Variants in AKAP7 observed in about 807,000 individuals in gnomAD.
AKAP7 encodes the protein A-kinase anchoring protein 7, also known as A kinase (PRKA) anchor protein 7.
In AKAP7, 39 loss-of-function variants were observed where a neutral mutation model predicts 39.5. The ratio of observed to expected loss-of-function variants is 0.99; its 90% CI spans 0.76 to 1.29. AKAP7 has a LOEUF of 1.29. Ranked by LOEUF, AKAP7 falls within the 50% of genes most tolerant of loss-of-function variation. The probability of loss-of-function intolerance (pLI) is 0.00; values close to 1 mark genes in which losing one functional copy is unlikely to be tolerated. For synonymous variants in AKAP7, 140 were observed against 139.1 expected, an observed-to-expected ratio of 1.01 and a Z score of -0.05; for missense variants, 414 against 407.7, an observed-to-expected ratio of 1.02 and a Z score of -0.13.
At chr6:131,264,678 G>A (rs1813634518) in intron 7 of AKAP7, among the ~76,000 whole-genome samples, 1 of 152,130 alleles carries the variant, frequency 6.6e-6, no homozygotes, top group South Asian at 2.1e-4. Flanking sequence ...TTTTTGTGTT[G>A]CCATCAAGGA....
intron 2 of AKAP7, among the ~76,000 whole-genome samples, chr6:131,153,599 G>C (rs967652856): frequency 1.4e-4 from 21 of 152,092 alleles, no homozygotes; most frequent in African/African-American, 4.8e-4. Flanking sequence ...CTACAGATGG[G>C]AAGACAGTTT....
chr6:131,191,235 A>G (rs952648461), intron 5 of AKAP7, among the ~76,000 whole-genome samples: 1 of 152,226 alleles, frequency 6.6e-6, no homozygotes, highest in African/African-American at 2.4e-5. Flanking sequence ...TTTGACCCAT[A>G]AAAGTGACAG....
At chr6:131,274,994 T>G (rs1472575296) in intron 7 of AKAP7, among the ~76,000 whole-genome samples, 1 of 152,202 alleles carries the variant, frequency 6.6e-6, no homozygotes, top group African/African-American at 2.4e-5. Context: ...TTACAGCACT[T>G]AATCTATTGT....
chr6:131,281,906 G>A lies in AKAP7; in HGVS notation c.*180G>A. On this transcript the variant is annotated 3_prime_UTR_variant, in exon 8 of 8. Coordinates refer to ENST00000431975, the MANE Select transcript of AKAP7 (RefSeq NM_016377.4). The surrounding 1 kb of genome is among the most constrained non-coding windows in gnomAD (Gnocchi z 4.0). ...TGCTGAAACACAACAGAAGAAAAAT[G>A]GAGTGCTGGGACTGGCAGAGGAAAT... is the stretch of plus-strand genomic sequence containing the variant. 1 of 1,255,226 alleles carries A rather than the reference G, an allele frequency of 8.0e-7. No homozygotes were observed. The highest frequency in any genetic ancestry group is 1.0e-6 in the Non-Finnish European group (1 of 997,728). The allele number at this position is 1,255,226 out of a possible 1,614,324, so 77.8% of individuals were successfully genotyped here.
At chr6:131,206,082 G>A (rs1808071315) in intron 6 of AKAP7, among the ~76,000 whole-genome samples, 1 of 152,178 alleles carries the variant, frequency 6.6e-6, no homozygotes. Context: ...GGCAGAAGAA[G>A]ACAAGTTTCA....
At chr6:131,191,467 T>C (rs1806397310) in intron 5 of AKAP7, among the ~76,000 whole-genome samples, 1 of 150,438 alleles carries the variant, frequency 6.6e-6, no homozygotes, top group Non-Finnish European at 1.5e-5. Flanking sequence ...CTTGTCTTTC[T>C]TTTTTTTTGG....
At chr6:131,190,229 T>G (rs918313473) in intron 5 of AKAP7, among the ~76,000 whole-genome samples, 6 of 152,152 alleles carry the variant, frequency 3.9e-5, no homozygotes, top group African/African-American at 1.4e-4. Flanking sequence ...AATCAAAAGT[T>G]CTTTGTGACA....
At chr6:131,171,208 G>A (rs1438435531) in intron 5 of AKAP7, among the ~76,000 whole-genome samples, 2 of 152,062 alleles carry the variant, frequency 1.3e-5, no homozygotes, top group Non-Finnish European at 2.9e-5. Flanking sequence ...ATATAGCCTT[G>A]TGCAGAAACA....
intron 7 of AKAP7, among the ~76,000 whole-genome samples, chr6:131,263,061 T>A (rs1030680730): frequency 6.6e-6 from 1 of 152,164 alleles, no homozygotes; most frequent in Non-Finnish European, 1.5e-5. Flanking sequence ...TGGGAACTAG[T>A]CAGCAGAAAC....
chr6:131,174,152 C>G (rs529084158), intron 5 of AKAP7, among the ~76,000 whole-genome samples: 2 of 152,308 alleles, frequency 1.3e-5, no homozygotes, highest in Admixed American at 1.3e-4. Context: ...CTTTTCCCCT[C>G]ATACAATCAC....
rs556158440 is a variant in AKAP7 at position 131,283,083 on chromosome 6, T to C, written c.*1357T>C. On this transcript the variant is annotated 3_prime_UTR_variant, in exon 8 of 8. Coordinates refer to ENST00000431975, the MANE Select transcript of AKAP7 (RefSeq NM_016377.4). ...TTGAACAATAGTACTTGAATGAACA[T>C]TTATAAATGTAATTATTGCGATCAC... 2.0e-5 allele frequency: 3 copies of C among 153,020 alleles called. No homozygotes were observed. The South Asian group carries it at 6.2e-4, about 32-fold the overall frequency. The allele number at this position is 153,020 out of a possible 1,614,324, so 9.5% of individuals were successfully genotyped here.
At chr6:131,196,166 C>T (rs1195350872) in intron 5 of AKAP7, among the ~76,000 whole-genome samples, 4 of 151,728 alleles carry the variant, frequency 2.6e-5, no homozygotes, top group Admixed American at 1.3e-4. Flanking sequence ...CCTCTGACTG[C>T]GTATTTTCAA....
chr6:131,281,524 A>G lies in AKAP7; in HGVS notation c.851-6A>G. 6.3e-7 allele frequency: 1 copy of G among 1,599,946 alleles called. No homozygotes were observed. Among genetic ancestry groups the G allele is most frequent in the Non-Finnish European group, 8.5e-7 (1 of 1,173,172 alleles). ...AGTGACCTCTCTTCTCTATTGTGGA[A>G]TGTAGGTGAAAAGAACGGAGGGGAG... On this transcript the variant is annotated splice_region_variant and splice_polypyrimidine_tract_variant and intron_variant, in intron 7 of 7. Coordinates refer to ENST00000431975, the MANE Select transcript of AKAP7 (RefSeq NM_016377.4). This position sits in a 1 kb window ranked among gnomAD's most constrained non-coding sequence, Gnocchi z 4.0.
At chr6:131,258,304 A>G (rs1392083985) in intron 7 of AKAP7, among the ~76,000 whole-genome samples, 2 of 152,200 alleles carry the variant, frequency 1.3e-5, no homozygotes, top group East Asian at 3.9e-4. Flanking sequence ...GTAAAAAGAA[A>G]TCTGTGAGAC....
At chr6:131,209,601 T>C (rs1808463861) in intron 6 of AKAP7, among the ~76,000 whole-genome samples, 1 of 152,170 alleles carries the variant, frequency 6.6e-6, no homozygotes, top group Admixed American at 6.6e-5. Context: ...TTAGAACTTA[T>C]ATTAAAAGAT....
At chr6:131,271,299 C>T (rs1208120625) in intron 7 of AKAP7, among the ~76,000 whole-genome samples, 1 of 152,090 alleles carries the variant, frequency 6.6e-6, no homozygotes. Context: ...TAGTACCATT[C>T]CTTGCAAAGA....
intron 7 of AKAP7, among the ~76,000 whole-genome samples, chr6:131,229,042 A>C (rs533856698): frequency 6.6e-6 from 1 of 152,244 alleles, no homozygotes; most frequent in East Asian, 1.9e-4. Flanking sequence ...AGGTCGACCC[A>C]AAGAAATGTG....
At chr6:131,239,929 G>T (rs1811390267) in intron 7 of AKAP7, among the ~76,000 whole-genome samples, 1 of 152,208 alleles carries the variant, frequency 6.6e-6, no homozygotes, top group African/African-American at 2.4e-5. Context: ...TCTCTGTCCA[G>T]CTTTGTTCCG....
intron 5 of AKAP7, among the ~76,000 whole-genome samples, chr6:131,173,200 CAA>C (rs67550717): frequency 0.011 from 1,204 of 108,890 alleles, 19 homozygotes; most frequent in African/African-American, 0.039. Flanking sequence ...GACTCCATCT[CAA>C]AAAAAAAAAA....
Sources: allele counts gnomAD v4.1 joint callset (sites outside exome capture counted in the v4.1 genomes callset), GRCh38; gene constraint gnomAD v4.1.1; non-coding constraint Gnocchi (gnomAD v3.1); transcripts MANE v1.5; gene names NCBI Gene and HGNC (gene_info 2026-07-23, HGNC 2026-07-21).